Variants in PSD observed in about 807,000 individuals in gnomAD.
PSD encodes the protein PH and SEC7 domain-containing protein 1.
A neutral mutation model predicts 91.6 loss-of-function variants in PSD; 32 were observed. The observed-to-expected ratio is 0.35, with a 90% CI of 0.26 to 0.47. PSD has a LOEUF of 0.47. Ranked by LOEUF, PSD falls within the 20% of genes least tolerant of loss-of-function variation. PSD has a pLI of 1.00. For synonymous variants in PSD, 532 were observed against 569.3 expected (o/e 0.93, Z 0.93); for missense variants, 1,099 against 1,373.9 (o/e 0.80, Z 3.16).
chr10:102,419,740 A>C (rs1285729709), upstream of PSD: 1 of 165,446 alleles, frequency 6.0e-6, no homozygotes, highest in African/African-American at 2.4e-5. The surrounding 1 kb of genome is among the most constrained non-coding windows in gnomAD (Gnocchi z 4.8). Context: ...AGAGGCGCGA[A>C]CAAAGAGGGG....
chr10:102,410,260 C>G lies in PSD; in HGVS notation c.2091+598G>C, dbSNP rs538342498. ...CTTCTCCTACCGGCACCAGCCCCTA[C>G]GTATCTGAGCCCTCGGTTGCGGGCC... is the stretch of plus-strand genomic sequence containing the variant. On this transcript the variant is annotated intron_variant, in intron 10 of 16. Coordinates refer to ENST00000020673, the MANE Select transcript of PSD (RefSeq NM_002779.5). The surrounding 1 kb of genome is among the most constrained non-coding windows in gnomAD (Gnocchi z 6.0). Among the ~76,000 whole-genome samples, 1 of 152,226 alleles carries G rather than the reference C, an allele frequency of 6.6e-6. No homozygotes were observed. The highest frequency in any genetic ancestry group is 2.4e-5 in the African/African-American group (1 of 41,452).
At chr10:102,418,852 C>T, upstream of PSD, 1 of 347,060 alleles carries the variant, frequency 2.9e-6, no homozygotes, top group South Asian at 1.9e-5. Context: ...CAACGCTAAT[C>T]CCCCCCACCC....
chr10:102,414,068 G>A lies in PSD; in HGVS notation c.1254C>T (p.Thr418=), dbSNP rs1331259202. The A allele has an allele frequency of 2.5e-6, 4 of 1,614,118 alleles. No individual in the cohort carries two copies. Among genetic ancestry groups the A allele is most frequent in the Non-Finnish European group, 8.5e-7 (1 of 1,179,978 alleles). The change falls in exon 5 of 17, where the codon ACC becomes ACT. Residue 418 remains threonine, a synonymous_variant. Coordinates refer to ENST00000020673, the MANE Select transcript of PSD (RefSeq NM_002779.5). This position sits in a 1 kb window ranked among gnomAD's most constrained non-coding sequence, Gnocchi z 5.6. ...CCAGCGAGGCGAGGCTGGTATAGGA[G>A]GTGCCTTTGGCCCGGTGTGACTCCA... ...AILESHRAKG[T]SYTSLASLEA...
rs140605307 is a variant in PSD, at chr10:102,406,784, C to T, written c.2135+439G>A. 3.3e-3 allele frequency among the ~76,000 whole-genome samples: 507 copies of T among 152,360 alleles called. 1 individual carries two copies. Among genetic ancestry groups the T allele is most frequent in the Middle Eastern group, 0.024 (7 of 294 alleles). On this transcript the variant is annotated intron_variant, in intron 11 of 16. Coordinates refer to ENST00000020673, the MANE Select transcript of PSD (RefSeq NM_002779.5). ...CCTCCCAAAGTGCTGGGATTACAGG[C>T]GTGAGCCACCTCGCCTGGCCGAGTA...
chr10:102,406,884 T>C (rs1298851381), intron 11 of PSD, among the ~76,000 whole-genome samples: 1 of 152,182 alleles, frequency 6.6e-6, no homozygotes, highest in African/African-American at 2.4e-5. Flanking sequence ...CTGGGCTCCC[T>C]AGGACCTGTG....
intron 10 of PSD, 59 bp from the exon 11 acceptor site, chr10:102,407,325 T>C: frequency 1.7e-6 from 2 of 1,171,150 alleles, no homozygotes; most frequent in Non-Finnish European, 2.3e-6. Flanking sequence ...TGTCAGAGCT[T>C]AGAGCCTTCC....
In PSD at chr10:102,414,713, T is replaced by C; in HGVS notation, c.1124+150A>G. 1 of 1,065,274 alleles carries C rather than the reference T, an allele frequency of 9.4e-7. No homozygotes were observed. Among genetic ancestry groups the C allele is most frequent in the Non-Finnish European group, 1.3e-6 (1 of 794,446 alleles). 66.0% of individuals were successfully genotyped at this position (1,065,274 alleles called of 1,614,324 possible). ...CCAGTGTTCTGCCAAGCCTCAGGCC[T>C]CTGTCTAGAATCTCCTGCTATACAC... is the stretch of plus-strand genomic sequence containing the variant. On this transcript the variant is annotated intron_variant, in intron 4 of 16. Transcript: ENST00000020673. This position sits in a 1 kb window ranked among gnomAD's most constrained non-coding sequence, Gnocchi z 5.6.
rs1179235050 is a variant in PSD at position 102,410,190 on chromosome 10, C to G, written c.2091+668G>C. Among the ~76,000 whole-genome samples, 5 of 152,172 alleles carry G rather than the reference C, an allele frequency of 3.3e-5. No homozygotes were observed. Among genetic ancestry groups the G allele is most frequent in the Non-Finnish European group, 7.4e-5 (5 of 68,022 alleles). ...AGTCCAGGCCTCTCTAGATAAACTA[C>G]CACCAGATCAGGGAGAGGAGTGAAC... On this transcript the variant is annotated intron_variant, in intron 10 of 16. Coordinates refer to ENST00000020673, the MANE Select transcript of PSD (RefSeq NM_002779.5). The surrounding 1 kb of genome is among the most constrained non-coding windows in gnomAD (Gnocchi z 6.0).
chr10:102,416,150 G>A lies in PSD; in HGVS notation c.655-31C>T. 1.3e-6 allele frequency: 2 copies of A among 1,530,018 alleles called. No homozygotes were observed. The highest frequency in any genetic ancestry group is 2.3e-5 in the South Asian group (2 of 87,626). The allele number at this position is 1,530,018 out of a possible 1,614,324, so 94.8% of individuals were successfully genotyped here. A position where few individuals can be genotyped will look rare whatever the true frequency, so the allele number is the denominator to read the frequency against. ...CCAACGAGGGAGACACAGGCACCCA[G>A]AGATAAAGCCAGACATACAAGGACA... On this transcript the variant is annotated intron_variant, in intron 2 of 16. Coordinates refer to ENST00000020673, the MANE Select transcript of PSD (RefSeq NM_002779.5). The surrounding 1 kb of genome is among the most constrained non-coding windows in gnomAD (Gnocchi z 6.0).
chr10:102,414,379 C>A lies in PSD; in HGVS notation c.1125-182G>T, dbSNP rs2061454425. ...AAGCTATTCAGTGCCCCCTGGGGCA[C>A]ACCAGCCCTACCAGTCCCCAGCACC... is the stretch of plus-strand genomic sequence containing the variant. On this transcript the variant is annotated intron_variant, in intron 4 of 16. Coordinates refer to ENST00000020673, the MANE Select transcript of PSD (RefSeq NM_002779.5). This position sits in a 1 kb window ranked among gnomAD's most constrained non-coding sequence, Gnocchi z 5.6. 6.6e-6 allele frequency among the ~76,000 whole-genome samples: 1 copy of A among 152,154 alleles called. No individual in the cohort carries two copies. Among genetic ancestry groups the A allele is most frequent in the Non-Finnish European group, 1.5e-5 (1 of 68,004 alleles).
Position 102,409,363 on chromosome 10 carries a change from C to G in PSD, c.2091+1495G>C, listed in dbSNP as rs2061401590. 4 of 985,274 alleles carry G rather than the reference C, an allele frequency of 4.1e-6. No homozygotes were observed. The highest frequency in any genetic ancestry group is 3.6e-6 in the Non-Finnish European group (3 of 829,786). 61.0% of individuals were successfully genotyped at this position (985,274 alleles called of 1,614,324 possible). ...GGGGACCGCATGAAATGGAGGCGCC[C>G]GATCGCGAAGGGGGCCCTCCCCGCG... On this transcript the variant is annotated intron_variant, in intron 10 of 16. Coordinates refer to ENST00000020673, the MANE Select transcript of PSD (RefSeq NM_002779.5). The surrounding 1 kb of genome is among the most constrained non-coding windows in gnomAD (Gnocchi z 5.7).
upstream of PSD, chr10:102,419,827 A>G (rs1268508948): frequency 1.0e-5 from 2 of 197,534 alleles, no homozygotes; most frequent in African/African-American, 4.8e-5. This position sits in a 1 kb window ranked among gnomAD's most constrained non-coding sequence, Gnocchi z 4.8. Flanking sequence ...CCTCCCAGCT[A>G]CCCCCTCCCT....
In PSD at chr10:102,410,617, G is replaced by A. The variant is rs1448151496; in HGVS notation, c.2091+241C>T. On this transcript the variant is annotated intron_variant, in intron 10 of 16. Coordinates refer to ENST00000020673, the MANE Select transcript of PSD (RefSeq NM_002779.5). The surrounding 1 kb of genome is among the most constrained non-coding windows in gnomAD (Gnocchi z 6.0). ...GCCTGCTCGCGTTTTCCAGAGCCGG[G>A]TCCCCTCCCCCGCCGTGCGCAGTCG... Among the ~76,000 whole-genome samples, 1 of 152,186 alleles carries A rather than the reference G, an allele frequency of 6.6e-6. No homozygotes were observed. Among genetic ancestry groups the A allele is most frequent in the Non-Finnish European group, 1.5e-5 (1 of 68,016 alleles).
intron 3 of PSD, 52 bp downstream of exon 3, chr10:102,415,965 T>C: frequency 7.1e-7 from 1 of 1,414,620 alleles, no homozygotes; most frequent in South Asian, 1.2e-5. Flanking sequence ...GAGCCTCAGC[T>C]GCTGTGGGGA....
Position 102,416,250 on chromosome 10 carries a change from A to G in PSD, c.655-131T>C. The G allele has an allele frequency of 8.0e-7, 1 of 1,251,848 alleles. No individual in the cohort carries two copies. The highest frequency in any genetic ancestry group is 1.1e-6 in the Non-Finnish European group (1 of 892,306). The allele number at this position is 1,251,848 out of a possible 1,614,324, so 77.5% of individuals were successfully genotyped here. Reference sequence around the variant, plus strand: ...GAGGTTCAGAGACACAGAGACAAACACAGAGGGCAAGAGAGAGGCAGATTT... The same window carrying G: ...GAGGTTCAGAGACACAGAGACAAACGCAGAGGGCAAGAGAGAGGCAGATTT... On this transcript the variant is annotated intron_variant, in intron 2 of 16. Coordinates refer to ENST00000020673, the MANE Select transcript of PSD (RefSeq NM_002779.5). The surrounding 1 kb of genome is among the most constrained non-coding windows in gnomAD (Gnocchi z 6.0).
In PSD at chr10:102,403,768, A is replaced by G. The variant is rs1243874096; in HGVS notation, c.2844+74T>C. Reference sequence around the variant, plus strand: ...TGCCCAAGGACCTCCGGCCGGTTCCACTGTTAGAGTTCATGCCCTTCACCC... The same window carrying G: ...TGCCCAAGGACCTCCGGCCGGTTCCGCTGTTAGAGTTCATGCCCTTCACCC... On this transcript the variant is annotated intron_variant, in intron 16 of 16. Coordinates refer to ENST00000020673, the MANE Select transcript of PSD (RefSeq NM_002779.5). The surrounding 1 kb of genome is among the most constrained non-coding windows in gnomAD (Gnocchi z 6.7). 44 of 1,519,742 alleles carry G rather than the reference A, an allele frequency of 2.9e-5. No individual in the cohort carries two copies. The highest frequency in any genetic ancestry group is 3.8e-5 in the Non-Finnish European group (43 of 1,128,840). The allele number at this position is 1,519,742 out of a possible 1,614,324, so 94.1% of individuals were successfully genotyped here.
At position 102,403,173 on chromosome 10, in the gene PSD, C is replaced by G. The variant is rs2061304655; in HGVS notation, c.*27G>C. The stretch of plus-strand genomic sequence containing the variant: ...GCCATGTCATCCTTCAGGTGCCCAG[C>G]AGGCACTCCCCACCCTAAACCTCAT... On this transcript the variant is annotated 3_prime_UTR_variant, in exon 17 of 17. Coordinates refer to ENST00000020673, the MANE Select transcript of PSD (RefSeq NM_002779.5). The surrounding 1 kb of genome is among the most constrained non-coding windows in gnomAD (Gnocchi z 6.7). 3 of 1,457,646 alleles carry G rather than the reference C, an allele frequency of 2.1e-6. No individual in the cohort carries two copies. The highest frequency in any genetic ancestry group is 1.8e-6 in the Non-Finnish European group (2 of 1,094,602). The allele number at this position is 1,457,646 out of a possible 1,614,324, so 90.3% of individuals were successfully genotyped here. A position where few individuals can be genotyped will look rare whatever the true frequency, so the allele number is the denominator to read the frequency against.
rs954065604 is a variant in PSD, at chr10:102,407,270, G to C, written c.2092-4C>G. 26 of 1,581,212 alleles carry C rather than the reference G, an allele frequency of 1.6e-5. No individual in the cohort carries two copies. The highest frequency in any genetic ancestry group is 2.1e-5 in the Non-Finnish European group (25 of 1,163,322). ...TCTTGATGGAGCTGTACAAGGCCTG[G>C]GGGGTGGGGGGAACAAATTAGGGGG... On this transcript the variant is annotated splice_region_variant and splice_polypyrimidine_tract_variant and intron_variant, in intron 10 of 16. Coordinates refer to ENST00000020673, the MANE Select transcript of PSD (RefSeq NM_002779.5).
rs562075399 is a variant in PSD at position 102,411,928 on chromosome 10, A to G, written c.1830-109T>C. The G allele has an allele frequency of 1.1e-3, 1,017 of 924,878 alleles. 3 individuals carry two copies. Among genetic ancestry groups the G allele is most frequent in the Middle Eastern group, 9.2e-3 (32 of 3,474 alleles). 57.3% of individuals were successfully genotyped at this position (924,878 alleles called of 1,614,324 possible). ...CAGCAGCTGGGGTGGGAAGGGGAGG[A>G]GAGAAAGGGGATGAGGGTATGCACC... On this transcript the variant is annotated intron_variant, in intron 7 of 16. Coordinates refer to ENST00000020673, the MANE Select transcript of PSD (RefSeq NM_002779.5).
Sources: gnomAD v4.1 joint callset for allele counts (sites outside exome capture counted in the v4.1 genomes callset) on GRCh38, gnomAD v4.1.1 for gene constraint, Gnocchi (gnomAD v3.1) non-coding constraint, MANE v1.5 for transcripts, NCBI Gene and HGNC (gene_info 2026-07-23, HGNC 2026-07-21) for gene names.